KCNK2: variants seen among roughly 807,000 people sequenced by gnomAD.
The protein encoded by KCNK2 is potassium channel subfamily K member 2.
KCNK2 carries 21 observed loss-of-function variants against 40.5 expected under a neutral mutation model. The observed-to-expected ratio is 0.52, with a 90% CI of 0.37 to 0.75. The LOEUF is 0.75. Ranked by LOEUF, KCNK2 falls within the 30% of genes least tolerant of loss-of-function variation. The pLI is 0.00. For missense variants in KCNK2, 399 were observed against 531.6 expected, an observed-to-expected ratio of 0.75 and a Z score of 2.45; for synonymous variants, 191 against 202.2, an observed-to-expected ratio of 0.94 and a Z score of 0.47.
At chr1:215,166,270 A>G (rs989533510) in intron 3 of KCNK2, among the ~76,000 whole-genome samples, 1 of 152,106 alleles carries the variant, frequency 6.6e-6, no homozygotes, top group African/African-American at 2.4e-5. Flanking sequence ...AGTCATACCG[A>G]TGCAGAGGGA....
At chr1:215,203,025 C>T (rs1665142989) in intron 6 of KCNK2, among the ~76,000 whole-genome samples, 1 of 152,038 alleles carries the variant, frequency 6.6e-6, no homozygotes, top group Admixed American at 6.6e-5. Flanking sequence ...CCCTCTTCCT[C>T]TCTCCTTTCT....
chr1:215,138,141 T>A (rs781180793), intron 3 of KCNK2, among the ~76,000 whole-genome samples: 119 of 152,248 alleles, frequency 7.8e-4, no homozygotes, highest in Middle Eastern at 3.4e-3. Flanking sequence ...AATAACTGCT[T>A]CAAAAACTGA....
At chr1:215,055,659 C>T (rs1452073702) in intron 1 of KCNK2, among the ~76,000 whole-genome samples, 3 of 152,180 alleles carry the variant, frequency 2.0e-5, no homozygotes, top group Non-Finnish European at 4.4e-5. Flanking sequence ...TTCTTCTTTC[C>T]ATGCTTTCCT....
At chr1:215,025,270 C>T (rs1486391345) in intron 1 of KCNK2, among the ~76,000 whole-genome samples, 1 of 152,034 alleles carries the variant, frequency 6.6e-6, no homozygotes, top group Non-Finnish European at 1.5e-5. Flanking sequence ...TAGAAAAGCA[C>T]ACTCAATAAA....
chr1:215,115,375 A>G (rs1660887201), intron 2 of KCNK2, among the ~76,000 whole-genome samples: 1 of 152,144 alleles, frequency 6.6e-6, no homozygotes, highest in Admixed American at 6.6e-5. Flanking sequence ...GATGTGTGTA[A>G]CTGACAGAGA....
chr1:215,064,054 G>A (rs56036238), intron 1 of KCNK2, among the ~76,000 whole-genome samples: 1,699 of 152,266 alleles, frequency 0.011, 37 homozygotes, highest in South Asian at 0.097. Context: ...AGGGGAATGT[G>A]TGTGTGACAA....
chr1:215,206,051 A>G (rs11580733), intron 6 of KCNK2, among the ~76,000 whole-genome samples: 16 of 152,318 alleles, frequency 1.1e-4, no homozygotes, highest in Non-Finnish European at 1.6e-4. Flanking sequence ...AGTAAAATAG[A>G]GCAACCAGCC....
chr1:215,184,214 C>G (rs1571705252), intron 5 of KCNK2, among the ~76,000 whole-genome samples: 1 of 152,124 alleles, frequency 6.6e-6, no homozygotes, highest in African/African-American at 2.4e-5. Context: ...TCCTGAAACA[C>G]TCATTTTTCT....
chr1:215,084,969 A>G (rs927279784), intron 1 of KCNK2, among the ~76,000 whole-genome samples: 1 of 152,172 alleles, frequency 6.6e-6, no homozygotes, highest in African/African-American at 2.4e-5. Flanking sequence ...CTTCTTTTTG[A>G]TGGGGAATTA....
At chr1:215,061,966 G>T (rs1261251608) in intron 1 of KCNK2, among the ~76,000 whole-genome samples, 2 of 152,006 alleles carry the variant, frequency 1.3e-5, no homozygotes, top group African/African-American at 2.4e-5. Flanking sequence ...ATTATAGATT[G>T]ATTAATTAAA....
intron 1 of KCNK2, among the ~76,000 whole-genome samples, chr1:215,077,040 T>C (rs1212224291): frequency 1.3e-5 from 2 of 152,236 alleles, no homozygotes; most frequent in African/African-American, 4.8e-5. Flanking sequence ...CCTCTTAGCA[T>C]AGTAGCCTCC....
chr1:215,188,298 C>T (rs1457736316), intron 5 of KCNK2, among the ~76,000 whole-genome samples: 2 of 152,122 alleles, frequency 1.3e-5, no homozygotes, highest in African/African-American at 4.8e-5. Flanking sequence ...AATTTTTCCT[C>T]TTCTGGCATA....
chr1:215,175,652 C>G (rs527752766), intron 5 of KCNK2, among the ~76,000 whole-genome samples: 1 of 152,196 alleles, frequency 6.6e-6, no homozygotes, highest in Non-Finnish European at 1.5e-5. Context: ...CCCCTTCCCT[C>G]CCTTCCCACT....
At chr1:215,050,034 A>G (rs1303459219) in intron 1 of KCNK2, among the ~76,000 whole-genome samples, 2 of 152,186 alleles carry the variant, frequency 1.3e-5, no homozygotes, top group Non-Finnish European at 2.9e-5. Context: ...ATCTATGTCT[A>G]TAAAAAACCT....
In KCNK2 at chr1:215,083,032, G is replaced by A; in HGVS notation, c.-354G>A. 1 of 156,680 alleles carries A rather than the reference G, an allele frequency of 6.4e-6. No individual in the cohort carries two copies. The highest frequency in any genetic ancestry group is 1.3e-5 in the Non-Finnish European group (1 of 74,316). 9.7% of individuals were successfully genotyped at this position (156,680 alleles called of 1,614,324 possible). A position where few individuals can be genotyped will look rare whatever the true frequency, so the allele number is the denominator to read the frequency against. On this transcript the variant is annotated 5_prime_UTR_variant, in exon 1 of 7. Transcript: ENST00000444842. ...GGCGGCGGCGGCGGCGGCGGCGGCG[G>A]GCAGGCGCGGGACCCGGGTCGCCCG...
intron 2 of KCNK2, among the ~76,000 whole-genome samples, chr1:215,088,386 T>A (rs1380579781): frequency 6.6e-6 from 1 of 152,064 alleles, no homozygotes; most frequent in African/African-American, 2.4e-5. Context: ...GAGGAAAGAG[T>A]ATCTATCAAG....
intron 5 of KCNK2, among the ~76,000 whole-genome samples, chr1:215,194,265 A>G (rs2102664068): frequency 6.6e-6 from 1 of 152,292 alleles, no homozygotes; most frequent in East Asian, 1.9e-4. Context: ...CAAGGATTAG[A>G]GTAAAAAAAA....
rs562193971 is a variant in KCNK2 at position 215,183,479 on chromosome 1, T to G, written c.823+11296T>G. On this transcript the variant is annotated intron_variant, in intron 5 of 6. Transcript: ENST00000444842. The stretch of plus-strand genomic sequence containing the variant: ...TAAAAACTTTTCCTCTTCTATGATA[T>G]ATGTGTTATTTCAACTGCCATTTGC... Among the ~76,000 whole-genome samples the G allele has an allele frequency of 8.5e-5, 13 of 152,324 alleles. No individual in the cohort carries two copies. In the East Asian group the frequency reaches 2.5e-3, roughly 29 times the overall value.
At chr1:215,009,262 C>A (rs1426208585) in intron 1 of KCNK2, among the ~76,000 whole-genome samples, 1 of 152,034 alleles carries the variant, frequency 6.6e-6, no homozygotes, top group Non-Finnish European at 1.5e-5. Context: ...GGCAGAACCA[C>A]CATTTTTATA....
Sources: gnomAD v4.1 joint callset for allele counts (sites outside exome capture counted in the v4.1 genomes callset) on GRCh38, gnomAD v4.1.1 for gene constraint, MANE v1.5 for transcripts, NCBI Gene and HGNC (gene_info 2026-07-23, HGNC 2026-07-21) for gene names.